Variants in NOXRED1 observed in about 807,000 individuals in gnomAD.
The protein encoded by NOXRED1 is NADP-dependent oxidoreductase domain-containing protein 1.
A neutral mutation model predicts 30.4 loss-of-function variants in NOXRED1; 20 were observed. The observed-to-expected ratio is 0.66, with a 90% CI of 0.46 to 0.96. The LOEUF is 0.96. Ranked by LOEUF, NOXRED1 falls within the 40% of genes least tolerant of loss-of-function variation. NOXRED1 has a pLI of 0.00. For synonymous variants in NOXRED1, 155 were observed against 168.0 expected, an observed-to-expected ratio of 0.92 and a Z score of 0.60; for missense variants, 374 against 428.0, an observed-to-expected ratio of 0.87 and a Z score of 1.11.
At chr14:77,402,736 G>A (rs535444404) in intron 5 of NOXRED1, among the ~76,000 whole-genome samples, 5 of 150,476 alleles carry the variant, frequency 3.3e-5, no homozygotes, top group Admixed American at 3.3e-4. Context: ...ATAAGCATAT[G>A]AAAAGATGCT....
At chr14:77,400,259 A>G (rs1403557103) in intron 5 of NOXRED1, among the ~76,000 whole-genome samples, 2 of 152,268 alleles carry the variant, frequency 1.3e-5, no homozygotes, top group Non-Finnish European at 2.9e-5. Context: ...ACGGATCTAC[A>G]TAAAGAAAAG....
Position 77,423,442 on chromosome 14 carries a change from A to T in NOXRED1, c.-553T>A, listed in dbSNP as rs1259750125. On this transcript the variant is annotated 5_prime_UTR_variant, in exon 1 of 6. An upstream start codon of the reference 5' UTR is lost. Coordinates refer to ENST00000380835, the MANE Select transcript of NOXRED1 (RefSeq NM_001113475.3). ...GATTTTACAAACTAAACTCAAAGTC[A>T]TATAAACCCATCTACATATATCTAT... 6.6e-6 allele frequency: 1 copy of T among 152,664 alleles called. No homozygotes were observed. Among genetic ancestry groups the T allele is most frequent in the African/African-American group, 2.4e-5 (1 of 41,460 alleles). The allele number at this position is 152,664 out of a possible 1,614,324, so 9.5% of individuals were successfully genotyped here. A position where few individuals can be genotyped will look rare whatever the true frequency, so the allele number is the denominator to read the frequency against.
chr14:77,395,448 C>T (rs1014964351), intron 5 of NOXRED1, among the ~76,000 whole-genome samples: 5 of 151,684 alleles, frequency 3.3e-5, no homozygotes, highest in East Asian at 1.9e-4. Flanking sequence ...TATATAAGAT[C>T]GTGGACATTA....
At chr14:77,406,224 C>T (rs1001204420) in intron 4 of NOXRED1, 89 bp from the exon 5 acceptor site, 42 of 829,172 alleles carry the variant, frequency 5.1e-5, no homozygotes, top group Middle Eastern at 3.1e-4. Context: ...AGTGAATAGC[C>T]GCCTTTTTTC....
intron 1 of NOXRED1, among the ~76,000 whole-genome samples, chr14:77,414,661 G>A (rs990333545): frequency 6.6e-6 from 1 of 152,076 alleles, no homozygotes; most frequent in African/African-American, 2.4e-5. Context: ...CTTTTCAAGG[G>A]ACCAAAATTT....
chr14:77,425,923 C>A (rs781027589), upstream of NOXRED1, among the ~76,000 whole-genome samples: 10 of 152,260 alleles, frequency 6.6e-5, no homozygotes, highest in Non-Finnish European at 1.3e-4. Context: ...GTCACAGGAG[C>A]ACAGAACTCT....
chr14:77,420,379 T>G (rs188836803), intron 1 of NOXRED1, among the ~76,000 whole-genome samples: 2 of 135,754 alleles, frequency 1.5e-5, no homozygotes, highest in African/African-American at 5.0e-5. Context: ...TTTTTTTTTG[T>G]TTTGTTTTGT....
intron 5 of NOXRED1, among the ~76,000 whole-genome samples, chr14:77,402,264 A>T (rs1894348499): frequency 1.3e-5 from 2 of 152,254 alleles, no homozygotes; most frequent in Admixed American, 1.3e-4. Context: ...TAAGCCACAG[A>T]CTAGAGAAAA....
Position 77,394,419 on chromosome 14 carries a change from G to T in NOXRED1, c.*212C>A. On this transcript the variant is annotated 3_prime_UTR_variant, in exon 6 of 6. Coordinates refer to ENST00000380835, the MANE Select transcript of NOXRED1 (RefSeq NM_001113475.3). The stretch of plus-strand genomic sequence containing the variant: ...GTTAGGTTGTGTAGTTTCACTAGTT[G>T]CTTCTGAGAGCCAGATACATATTGA... 1 of 381,052 alleles carries T rather than the reference G, an allele frequency of 2.6e-6. No individual in the cohort carries two copies. Among genetic ancestry groups the T allele is most frequent in the Non-Finnish European group, 4.7e-6 (1 of 214,562 alleles). 23.6% of individuals were successfully genotyped at this position (381,052 alleles called of 1,614,324 possible).
chr14:77,397,952 C>T (rs977875706), intron 5 of NOXRED1, among the ~76,000 whole-genome samples: 21 of 151,704 alleles, frequency 1.4e-4, no homozygotes, highest in African/African-American at 4.8e-4. Context: ...AGTTGCCACT[C>T]TATCCTAACA....
intron 1 of NOXRED1, among the ~76,000 whole-genome samples, chr14:77,415,025 A>C (rs1894773779): frequency 6.6e-6 from 1 of 151,944 alleles, no homozygotes. Context: ...AAAATACAAG[A>C]ATTAGCCAGG....
At chr14:77,410,131 G>C (rs1239800209) in intron 2 of NOXRED1, among the ~76,000 whole-genome samples, 2 of 151,162 alleles carry the variant, frequency 1.3e-5, no homozygotes, top group African/African-American at 2.4e-5. Flanking sequence ...GTTTCCTTAG[G>C]AATATAGGAA....
Position 77,413,987 on chromosome 14 carries a change from C to G in NOXRED1, c.296G>C (p.Gly99Ala). 6.2e-7 allele frequency: 1 copy of G among 1,608,722 alleles called. No homozygotes were observed. The highest frequency in any genetic ancestry group is 1.3e-5 in the African/African-American group (1 of 74,898). The change falls in exon 2 of 6, where the codon GGC becomes GCC. Residue 99 changes from glycine (G) to alanine (A), a missense_variant. Gly to Ala is a moderately conservative substitution (Grantham distance 60). Transcript: ENST00000380835. ...KQLAGTLLQLGPIPAESLRIS... is the reference protein window; with the variant it reads ...KQLAGTLLQLAPIPAESLRIS... Reference sequence around the variant, plus strand: ...CCGCAGGCTTTCAGCAGGGATGGGGCCAAGCTGCAGCAGTGTGCCAGCCAG... The same window carrying G: ...CCGCAGGCTTTCAGCAGGGATGGGGGCAAGCTGCAGCAGTGTGCCAGCCAG...
upstream of NOXRED1, among the ~76,000 whole-genome samples, chr14:77,425,735 T>C (rs1895106621): frequency 6.6e-6 from 1 of 152,262 alleles, no homozygotes; most frequent in Non-Finnish European, 1.5e-5. Context: ...CCCTGACCTC[T>C]ACCCACTGGA....
Position 77,407,483 on chromosome 14 carries a change from G to GTGGGATTTGTGTA in NOXRED1, c.511_512insTACACAAATCCCA (p.Ala171ValfsTer29). The GTGGGATTTGTGTA allele has an allele frequency of 6.2e-7, 1 of 1,613,752 alleles. No individual in the cohort carries two copies. Among genetic ancestry groups the GTGGGATTTGTGTA allele is most frequent in the Non-Finnish European group, 8.5e-7 (1 of 1,179,660 alleles). On this transcript the variant is annotated frameshift_variant, in exon 3 of 6. Coordinates refer to ENST00000380835, the MANE Select transcript of NOXRED1 (RefSeq NM_001113475.3). LOFTEE classifies it high-confidence loss of function. ...AAGATACCTGGGTAGTGGGATGGCA[G>GTGGGATTTGTGTA]CTACAAAGCTGTACACAATGCTGGC...
chr14:77,417,214 C>A (rs1000086100), intron 1 of NOXRED1, among the ~76,000 whole-genome samples: 6 of 151,182 alleles, frequency 4.0e-5, no homozygotes, highest in Non-Finnish European at 8.8e-5. Flanking sequence ...TGTGACCTAA[C>A]GTGATCTATC....
Position 77,422,782 on chromosome 14 carries a change from C to A in NOXRED1, c.108G>T (p.Glu36Asp). Residue 36 changes from glutamate (E) to aspartate (D), a missense_variant, in exon 1 of 6, where the codon GAG (glutamate) becomes GAT (aspartate). Transcript: ENST00000380835. ...AGAAGAAGGTTGCATGGGCACAAGCCTCGATCATCAGTCCCCGAGAACGGC... is the reference window on the plus strand; with the variant it reads ...AGAAGAAGGTTGCATGGGCACAAGCATCGATCATCAGTCCCCGAGAACGGC... ...LQGRSRGLMI[E>D]ACAHATFFCK... The A allele has an allele frequency of 6.2e-7, 1 of 1,614,106 alleles. No individual in the cohort carries two copies. The highest frequency in any genetic ancestry group is 8.5e-7 in the Non-Finnish European group (1 of 1,179,994).
rs1450956905 is a variant in NOXRED1 at position 77,394,632 on chromosome 14, T to A, written c.1079A>T (p.Ter360LeuextTer21). The change falls in exon 6 of 6, where the codon TAA becomes TTA. Residue 360 changes from the stop codon to leucine, a stop_lost. Coordinates refer to ENST00000380835, the MANE Select transcript of NOXRED1 (RefSeq NM_001113475.3). ...PVISTGFPSQ[*>L] is the part of the protein sequence containing the mutation. Reference sequence around the variant, plus strand: ...AAAAATCCTGATTCCTGAGTTCTCTTATTGGGATGGAAAGCCTGTGGAAAT... The same window carrying A: ...AAAAATCCTGATTCCTGAGTTCTCTAATTGGGATGGAAAGCCTGTGGAAAT... 3.7e-6 allele frequency: 6 copies of A among 1,610,074 alleles called. No homozygotes were observed. Among genetic ancestry groups the A allele is most frequent in the Non-Finnish European group, 5.1e-6 (6 of 1,177,622 alleles).
intron 1 of NOXRED1, among the ~76,000 whole-genome samples, chr14:77,419,762 T>C (rs1431257462): frequency 6.6e-6 from 1 of 152,096 alleles, no homozygotes; most frequent in Non-Finnish European, 1.5e-5. Flanking sequence ...GGTTTTTTTT[T>C]TCTTTCCCCT....
Sources: allele counts gnomAD v4.1 joint callset (sites outside exome capture counted in the v4.1 genomes callset), GRCh38; gene constraint gnomAD v4.1.1; transcripts MANE v1.5; gene names NCBI Gene and HGNC (gene_info 2026-07-23, HGNC 2026-07-21).